The following KCMF1 variants were observed in gnomAD, a reference collection of about 807,000 sequenced individuals.
The protein encoded by KCMF1 is potassium channel modulatory factor 1.
Under a neutral mutation model 41.1 loss-of-function variants are expected in KCMF1, and 3 were observed. The ratio of observed to expected loss-of-function variants is 0.07; its 90% CI spans 0.03 to 0.19. The LOEUF is 0.19. KCMF1 is among the 10% of genes least tolerant of loss of function. The probability of loss-of-function intolerance (pLI) is 1.00; values close to 1 mark genes in which losing one functional copy is unlikely to be tolerated. For missense variants in KCMF1, 286 were observed against 488.9 expected, an observed-to-expected ratio of 0.58 and a Z score of 3.91; for synonymous variants, 142 against 164.5, an observed-to-expected ratio of 0.86 and a Z score of 1.04.
At chr2:85,007,370 C>A (rs1674499047) in intron 1 of KCMF1, among the ~76,000 whole-genome samples, 1 of 152,206 alleles carries the variant, frequency 6.6e-6, no homozygotes, top group African/African-American at 2.4e-5. Flanking sequence ...CCCCGAGTTT[C>A]CAAGAGTCTG....
At chr2:85,052,068 G>A (rs1294440883) in intron 6 of KCMF1, among the ~76,000 whole-genome samples, 1 of 152,192 alleles carries the variant, frequency 6.6e-6, no homozygotes, top group Non-Finnish European at 1.5e-5. Flanking sequence ...GAGTGTGTAA[G>A]TCAGATCGGT....
intron 1 of KCMF1, among the ~76,000 whole-genome samples, chr2:85,021,831 G>A (rs888077726): frequency 2.6e-5 from 4 of 151,946 alleles, no homozygotes; most frequent in African/African-American, 9.7e-5. Context: ...GTTTTGTTTT[G>A]TTGAGAAGAA....
chr2:85,016,278 G>T (rs1456570965), intron 1 of KCMF1, among the ~76,000 whole-genome samples: 2 of 152,034 alleles, frequency 1.3e-5, no homozygotes. Flanking sequence ...GAGTGTGTTT[G>T]TACGGGTCTC....
intron 1 of KCMF1, among the ~76,000 whole-genome samples, chr2:85,022,385 G>T (rs1317396319): frequency 1.3e-5 from 2 of 152,056 alleles, no homozygotes; most frequent in Non-Finnish European, 2.9e-5. Flanking sequence ...GAGGTAGAAG[G>T]ATTGCTTAAA....
chr2:84,999,190 G>A (rs75254301), intron 1 of KCMF1, among the ~76,000 whole-genome samples: 10,036 of 151,302 alleles, frequency 0.066, 571 homozygotes, highest in East Asian at 0.34. Context: ...TTGCTCTGTC[G>A]CCCAGGCTGG....
Position 85,056,425 on chromosome 2 carries a change from G to A in KCMF1, c.*3016G>A, listed in dbSNP as rs1240920001. The A allele has an allele frequency of 6.6e-6, 1 of 152,080 alleles. No homozygotes were observed. Among genetic ancestry groups the A allele is most frequent in the Non-Finnish European group, 1.5e-5 (1 of 68,018 alleles). The allele number at this position is 152,080 out of a possible 1,614,324, so 9.4% of individuals were successfully genotyped here. On this transcript the variant is annotated 3_prime_UTR_variant, in exon 7 of 7. Coordinates refer to ENST00000409785, the MANE Select transcript of KCMF1 (RefSeq NM_020122.5). ...CCACAGTTAAAAGAACGGGTAACAG[G>A]TTCAGAGTTCTCTTGATACGTCCAA...
intron 1 of KCMF1, among the ~76,000 whole-genome samples, chr2:84,983,187 A>T (rs1211026847): frequency 6.6e-6 from 1 of 152,226 alleles, no homozygotes; most frequent in African/African-American, 2.4e-5. Flanking sequence ...CATAATCTTA[A>T]ATTCCCTGGT....
At chr2:85,031,593 A>G (rs145501465) in intron 2 of KCMF1, among the ~76,000 whole-genome samples, 83 of 152,346 alleles carry the variant, frequency 5.4e-4, no homozygotes, top group African/African-American at 1.9e-3. Flanking sequence ...TTTAATGTAG[A>G]CTAGGCTAAG....
At chr2:85,021,020 C>T (rs747059156) in intron 1 of KCMF1, among the ~76,000 whole-genome samples, 101 of 152,278 alleles carry the variant, frequency 6.6e-4, no homozygotes, top group South Asian at 2.1e-3. Flanking sequence ...CAGGCATGCA[C>T]CACCACACTT....
At chr2:84,980,123 C>T (rs375897516) in intron 1 of KCMF1, among the ~76,000 whole-genome samples, 21 of 152,172 alleles carry the variant, frequency 1.4e-4, no homozygotes, top group South Asian at 4.1e-4. Flanking sequence ...TGAGCCACTG[C>T]GCCCAGCCAG....
At chr2:85,036,240 C>T (rs1675400507) in intron 3 of KCMF1, among the ~76,000 whole-genome samples, 1 of 152,176 alleles carries the variant, frequency 6.6e-6, no homozygotes, top group Non-Finnish European at 1.5e-5. Flanking sequence ...CTCAGAAATG[C>T]TCTGATCTTT....
intron 3 of KCMF1, among the ~76,000 whole-genome samples, chr2:85,037,892 C>G (rs888684907): frequency 6.6e-6 from 1 of 152,190 alleles, no homozygotes; most frequent in African/African-American, 2.4e-5. Context: ...AACTCCACTC[C>G]CTGTCAGATC....
At chr2:84,973,423 C>T (rs1171250035) in intron 1 of KCMF1, among the ~76,000 whole-genome samples, 1 of 152,188 alleles carries the variant, frequency 6.6e-6, no homozygotes, top group Non-Finnish European at 1.5e-5. Context: ...CTTTTAGTTA[C>T]TTGAATATTG....
At chr2:84,994,732 G>A (rs1453201868) in intron 1 of KCMF1, among the ~76,000 whole-genome samples, 3 of 151,942 alleles carry the variant, frequency 2.0e-5, no homozygotes, top group African/African-American at 7.2e-5. Flanking sequence ...TTAATACTCA[G>A]TTCATGTTCA....
chr2:85,035,286 C>A, intron 3 of KCMF1, 131 bp downstream of exon 3: 1 of 847,476 alleles, frequency 1.2e-6, no homozygotes, highest in East Asian at 2.8e-5. Flanking sequence ...TTATTAAAAT[C>A]ATCTTTTAAC....
chr2:85,025,584 C>T (rs1182267228), intron 1 of KCMF1, among the ~76,000 whole-genome samples: 2 of 152,176 alleles, frequency 1.3e-5, no homozygotes, highest in East Asian at 1.9e-4. Context: ...TTGAATTTGG[C>T]ACATCTCGAT....
intron 1 of KCMF1, among the ~76,000 whole-genome samples, chr2:85,024,556 GA>G (rs1675038739): frequency 9.9e-6 from 1 of 101,088 alleles, no homozygotes; most frequent in Non-Finnish European, 2.0e-5. Context: ...TGGAGAGTGA[GA>G]GAGAGAGAGA....
At chr2:85,021,687 T>TC (rs1378897198) in intron 1 of KCMF1, among the ~76,000 whole-genome samples, 1 of 152,116 alleles carries the variant, frequency 6.6e-6, no homozygotes, top group Non-Finnish European at 1.5e-5. Flanking sequence ...GGCTTTCATG[T>TC]CTTTTTTTTT....
rs190512650 is a variant in KCMF1 at position 85,028,405 on chromosome 2, G to A, written c.184+349G>A. On this transcript the variant is annotated intron_variant, in intron 2 of 6. Transcript: ENST00000409785. ...TCACCACGTTGGCCAGACTGGTCTC[G>A]AACTCCTGACCTCAGTCAATCTGCC... Among the ~76,000 whole-genome samples, 1,046 of 148,620 alleles carry A rather than the reference G, an allele frequency of 7.0e-3. 10 individuals are homozygous for A. Among genetic ancestry groups the A allele is most frequent in the Middle Eastern group, 0.067 (19 of 282 alleles).
Sources: allele counts gnomAD v4.1 joint callset (sites outside exome capture counted in the v4.1 genomes callset), GRCh38; gene constraint gnomAD v4.1.1; transcripts MANE v1.5; gene names NCBI Gene and HGNC (gene_info 2026-07-23, HGNC 2026-07-21).